Variants in RBFOX1 observed in about 807,000 individuals in gnomAD.
The protein encoded by RBFOX1 is RNA binding fox-1 homolog 1.
Under a neutral mutation model 57.7 loss-of-function variants are expected in RBFOX1, and 8 were observed. The ratio of observed to expected loss-of-function variants is 0.14; its 90% CI spans 0.08 to 0.25. The LOEUF is 0.25. Among genes scored for constraint, RBFOX1 ranks in the 10% least tolerant of loss-of-function variants. The pLI, the probability that RBFOX1 is intolerant of heterozygous loss-of-function variation, is 1.00. For missense variants in RBFOX1, 611 were observed against 548.5 expected, an observed-to-expected ratio of 1.11 and a Z score of -1.14; for synonymous variants, 326 against 222.4, an observed-to-expected ratio of 1.47 and a Z score of -4.15.
At chr16:6,913,356 A>T (rs1253473064) in intron 3 of RBFOX1, among the ~76,000 whole-genome samples, 1 of 152,080 alleles carries the variant, frequency 6.6e-6, no homozygotes, top group Non-Finnish European at 1.5e-5. Context: ...TAACCCCCTT[A>T]TGAGCGTGTT....
chr16:7,001,770 T>C (rs1234111783), intron 3 of RBFOX1, among the ~76,000 whole-genome samples: 1 of 152,058 alleles, frequency 6.6e-6, no homozygotes, highest in East Asian at 1.9e-4. Context: ...TTATTTGTTT[T>C]TAGAAGCTTT....
At chr16:6,253,699 G>GTGTATATATATA (rs71145205) in intron 1 of RBFOX1, among the ~76,000 whole-genome samples, 47 of 142,492 alleles carry the variant, frequency 3.3e-4, no homozygotes, top group African/African-American at 6.1e-4. Context: ...GTGTGTGTGT[G>GTGTATATATATA]TATATATATA....
At chr16:7,281,335 G>T (rs996805596) in intron 4 of RBFOX1, among the ~76,000 whole-genome samples, 1 of 151,540 alleles carries the variant, frequency 6.6e-6, no homozygotes, top group Non-Finnish European at 1.5e-5. Flanking sequence ...GCTTCTGCTT[G>T]GGGGGTAGTT....
At chr16:5,938,548 T>C (rs1310717898) in intron 4 of RBFOX1, among the ~76,000 whole-genome samples, 1 of 152,184 alleles carries the variant, frequency 6.6e-6, no homozygotes, top group African/African-American at 2.4e-5. Context: ...CTCTACAACC[T>C]ATTTCACTAA....
chr16:6,379,558 G>A (rs992149168), intron 2 of RBFOX1, among the ~76,000 whole-genome samples: 3 of 152,020 alleles, frequency 2.0e-5, no homozygotes, highest in Admixed American at 6.6e-5. Flanking sequence ...AAGAAAAACC[G>A]GGGTAGTGTT....
At chr16:7,379,355 C>G (rs1016407525) in intron 4 of RBFOX1, among the ~76,000 whole-genome samples, 3 of 151,902 alleles carry the variant, frequency 2.0e-5, no homozygotes, top group African/African-American at 7.3e-5. Flanking sequence ...ATGGAGGAGA[C>G]AAAAATACTT....
chr16:7,012,043 C>T lies in RBFOX1; in HGVS notation c.-15-40014C>T, dbSNP rs141047617. Reference sequence around the variant, plus strand: ...TCACTGTAGGTCAAATCAGATTATCCAGACCTCCAAAATAATAAGTGGACT... The same window carrying T: ...TCACTGTAGGTCAAATCAGATTATCTAGACCTCCAAAATAATAAGTGGACT... On this transcript the variant is annotated intron_variant, in intron 3 of 15. Coordinates refer to ENST00000550418, the MANE Select transcript of RBFOX1 (RefSeq NM_018723.4). Among the ~76,000 whole-genome samples the T allele has an allele frequency of 1.2e-4, 18 of 152,186 alleles. No homozygotes were observed. In the East Asian group the frequency reaches 3.3e-3, roughly 28 times the overall value.
At chr16:7,502,498 A>G (rs1417885640) in intron 4 of RBFOX1, among the ~76,000 whole-genome samples, 2 of 152,200 alleles carry the variant, frequency 1.3e-5, no homozygotes, top group Non-Finnish European at 1.5e-5. Flanking sequence ...TGTTTAGACT[A>G]TGTTTACGTA....
At chr16:6,412,983 ATAT>A (rs1233854895) in intron 2 of RBFOX1, among the ~76,000 whole-genome samples, 2 of 152,216 alleles carry the variant, frequency 1.3e-5, no homozygotes, top group Non-Finnish European at 2.9e-5. Context: ...AGATACTTTA[ATAT>A]TATTGAGAAA....
chr16:5,807,956 T>C (rs1243207926), intron 3 of RBFOX1, among the ~76,000 whole-genome samples: 1 of 152,140 alleles, frequency 6.6e-6, no homozygotes, highest in Non-Finnish European at 1.5e-5. Context: ...GGTTATTCAG[T>C]CCATTTCTTT....
intron 4 of RBFOX1, among the ~76,000 whole-genome samples, chr16:5,924,489 G>A (rs1386715566): frequency 6.6e-6 from 1 of 152,138 alleles, no homozygotes; most frequent in Non-Finnish European, 1.5e-5. Flanking sequence ...AGAGCTGGTT[G>A]TTAAAATGAG....
At chr16:5,513,000 C>T (rs115295814) in intron 2 of RBFOX1, among the ~76,000 whole-genome samples, 2,189 of 152,316 alleles carry the variant, frequency 0.014, 27 homozygotes, top group Middle Eastern at 0.041. Context: ...ACTGCAACCT[C>T]CACCTCCTAG....
At chr16:5,328,521 C>T (rs944553527) in intron 1 of RBFOX1, among the ~76,000 whole-genome samples, 5 of 152,348 alleles carry the variant, frequency 3.3e-5, no homozygotes, top group South Asian at 2.1e-4. Context: ...AACTCAGCCT[C>T]GATGACAAAG....
At chr16:5,897,759 A>G (rs2058202976) in intron 4 of RBFOX1, among the ~76,000 whole-genome samples, 1 of 151,912 alleles carries the variant, frequency 6.6e-6, no homozygotes, top group African/African-American at 2.4e-5. Flanking sequence ...TTTTAGTCTG[A>G]TCATAGCCAC....
At chr16:5,890,843 A>T (rs758470) in intron 4 of RBFOX1, among the ~76,000 whole-genome samples, 1 of 151,878 alleles carries the variant, frequency 6.6e-6, no homozygotes, top group Non-Finnish European at 1.5e-5. Flanking sequence ...TTCACCCAAC[A>T]TTGTGTCTGG....
intron 2 of RBFOX1, among the ~76,000 whole-genome samples, chr16:6,541,837 T>G (rs2096824372): frequency 6.6e-6 from 1 of 152,120 alleles, no homozygotes; most frequent in Non-Finnish European, 1.5e-5. Flanking sequence ...ACAAACAACT[T>G]TAATGGTTCA....
chr16:6,532,576 T>C (rs1336109362), intron 2 of RBFOX1, among the ~76,000 whole-genome samples: 8 of 152,194 alleles, frequency 5.3e-5, no homozygotes, highest in Admixed American at 5.2e-4. Context: ...ATCCCCTTCA[T>C]GGAGATCATT....
At chr16:7,126,967 C>T (rs1384947859) in intron 4 of RBFOX1, among the ~76,000 whole-genome samples, 4 of 150,456 alleles carry the variant, frequency 2.7e-5, no homozygotes, top group East Asian at 3.9e-4. Flanking sequence ...CAAGATCGCG[C>T]CACTACACTG....
At chr16:5,307,336 C>T (rs2063964691) in intron 1 of RBFOX1, among the ~76,000 whole-genome samples, 1 of 152,166 alleles carries the variant, frequency 6.6e-6, no homozygotes, top group Non-Finnish European at 1.5e-5. Context: ...CACCCACCTG[C>T]CCAGTATTTT....
Sources: allele counts gnomAD v4.1 joint callset (sites outside exome capture counted in the v4.1 genomes callset), GRCh38; gene constraint gnomAD v4.1.1; transcripts MANE v1.5; gene names NCBI Gene and HGNC (gene_info 2026-07-23, HGNC 2026-07-21).